RUNX1T1: variants seen among roughly 807,000 people sequenced by gnomAD.
The protein encoded by RUNX1T1 is protein CBFA2T1.
A neutral mutation model predicts 62.8 loss-of-function variants in RUNX1T1; 4 were observed. The observed-to-expected ratio is 0.06, with a 90% CI of 0.03 to 0.15. The LOEUF is 0.15. RUNX1T1 is among the 10% of genes least tolerant of loss of function. The pLI is 1.00. For synonymous variants in RUNX1T1, 291 were observed against 286.0 expected (o/e 1.02, Z -0.18); for missense variants, 508 against 754.3 (o/e 0.67, Z 3.82).
chr8:91,965,685 A>G (rs1811435985), intron 10 of RUNX1T1, among the ~76,000 whole-genome samples: 1 of 152,114 alleles, frequency 6.6e-6, no homozygotes, highest in Non-Finnish European at 1.5e-5. Context: ...CTCATGCCCA[A>G]GACTTTGTCA....
chr8:92,064,922 A>G (rs1832650992), upstream of RUNX1T1, among the ~76,000 whole-genome samples: 1 of 152,184 alleles, frequency 6.6e-6, no homozygotes, highest in South Asian at 2.1e-4. Context: ...TTGCCACTTT[A>G]AATTGATCCA....
At chr8:92,011,091 T>C (rs1432599095) in exon 4 of RUNX1T1, 1 of 1,567,584 alleles carries the variant, frequency 6.4e-7, no homozygotes, top group Non-Finnish European at 8.8e-7. Context: ...AAAGTGGAGT[T>C]CTATGGAAGA....
At chr8:92,067,661 C>A (rs947008086), upstream of RUNX1T1, among the ~76,000 whole-genome samples, 5 of 152,126 alleles carry the variant, frequency 3.3e-5, no homozygotes, top group African/African-American at 1.2e-4. Flanking sequence ...GGTTGAAGTA[C>A]AATGTCCTCT....
At chr8:92,052,660 T>G (rs1830413868) in intron 1 of RUNX1T1, among the ~76,000 whole-genome samples, 1 of 152,200 alleles carries the variant, frequency 6.6e-6, no homozygotes, top group African/African-American at 2.4e-5. Flanking sequence ...TGAATATGCT[T>G]AAGAATCCTC....
intron 1 of RUNX1T1, among the ~76,000 whole-genome samples, chr8:92,082,418 A>G (rs919454264): frequency 4.6e-5 from 7 of 152,176 alleles, no homozygotes; most frequent in African/African-American, 7.2e-5. Flanking sequence ...CGTCATGTGC[A>G]CAGGGTCATC....
At chr8:92,101,118 C>A (rs1463648789), upstream of RUNX1T1, among the ~76,000 whole-genome samples, 3 of 152,146 alleles carry the variant, frequency 2.0e-5, no homozygotes, top group African/African-American at 7.2e-5. Flanking sequence ...ATAAAAGCTA[C>A]TGAGTGCACT....
At chr8:92,060,573 G>C (rs1184061586) in intron 1 of RUNX1T1, among the ~76,000 whole-genome samples, 1 of 142,342 alleles carries the variant, frequency 7.0e-6, no homozygotes, top group African/African-American at 2.6e-5. Context: ...GTGTGTGTGT[G>C]TGTGTGTGTG....
At chr8:92,095,216 G>A in intron 1 of RUNX1T1, 1 of 1,533,900 alleles carries the variant, frequency 6.5e-7, no homozygotes, top group Non-Finnish European at 8.7e-7. Flanking sequence ...ACTTCTCCTG[G>A]TCTTATCGAC....
At chr8:92,045,294 T>C (rs757824554) in intron 1 of RUNX1T1, among the ~76,000 whole-genome samples, 6 of 152,112 alleles carry the variant, frequency 3.9e-5, no homozygotes, top group Non-Finnish European at 7.4e-5. Flanking sequence ...CTCAAAATTG[T>C]CTATCCATCA....
chr8:92,009,288 G>A (rs1018961325), intron 4 of RUNX1T1, among the ~76,000 whole-genome samples: 3 of 152,190 alleles, frequency 2.0e-5, no homozygotes, highest in Non-Finnish European at 2.9e-5. Context: ...TAGAGGGTCT[G>A]CGGGTTACAT....
intron 1 of RUNX1T1, among the ~76,000 whole-genome samples, chr8:92,080,043 T>A (rs1835006162): frequency 6.6e-6 from 1 of 152,000 alleles, no homozygotes; most frequent in South Asian, 2.1e-4. Context: ...TAGCACTACA[T>A]GAAATAATCT....
chr8:91,977,533 A>AT (rs2130722868), intron 8 of RUNX1T1: 1 of 189,856 alleles, frequency 5.3e-6, no homozygotes, highest in South Asian at 1.9e-4. Flanking sequence ...CCTTACCACT[A>AT]TAACTATTTC....
At chr8:91,956,555 C>T (rs1038815551), downstream of RUNX1T1, 9 of 218,374 alleles carry the variant, frequency 4.1e-5, no homozygotes, top group Non-Finnish European at 7.3e-5. Flanking sequence ...CTGAATCATA[C>T]TTTAAAGATT....
chr8:91,991,518 G>T, intron 6 of RUNX1T1, 121 bp downstream of exon 7: 1 of 1,091,272 alleles, frequency 9.2e-7, no homozygotes, highest in Non-Finnish European at 1.3e-6. Context: ...ACAATATAAA[G>T]CAAGATATGA....
chr8:92,076,193 T>C (rs756015685), intron 1 of RUNX1T1, 56 bp from the exon 2 acceptor site: 4 of 1,359,216 alleles, frequency 2.9e-6, no homozygotes, highest in Non-Finnish European at 3.8e-6. Flanking sequence ...GTCTGAAGTA[T>C]CATACCCATC....
chr8:92,019,032 A>G (rs367657807), intron 1 of RUNX1T1: 2 of 152,172 alleles, frequency 1.3e-5, no homozygotes, highest in Admixed American at 6.5e-5. Context: ...TCAGATTGCT[A>G]CAACCAGTAA....
At chr8:92,066,290 C>G (rs1045133864), upstream of RUNX1T1, among the ~76,000 whole-genome samples, 1 of 152,228 alleles carries the variant, frequency 6.6e-6, no homozygotes, top group Non-Finnish European at 1.5e-5. Context: ...CAGACTCACT[C>G]ATGTCCAGAT....
chr8:91,967,729 C>G (rs1811940948), intron 10 of RUNX1T1, among the ~76,000 whole-genome samples: 1 of 152,156 alleles, frequency 6.6e-6, no homozygotes, highest in Non-Finnish European at 1.5e-5. Flanking sequence ...TTCCTTCTTA[C>G]AATCCCTATG....
intron 9 of RUNX1T1, chr8:91,971,195 A>G: frequency 5.3e-6 from 1 of 189,744 alleles, no homozygotes; most frequent in Non-Finnish European, 1.1e-5. Flanking sequence ...ATTTATGGAA[A>G]TATTTTTTGA....
Sources: gnomAD v4.1 joint callset for allele counts (sites outside exome capture counted in the v4.1 genomes callset) on GRCh38, gnomAD v4.1.1 for gene constraint, MANE v1.5 for transcripts, NCBI Gene and HGNC (gene_info 2026-07-23, HGNC 2026-07-21) for gene names.